NRG1: variants seen among roughly 807,000 people sequenced by gnomAD.
NRG1 encodes neuregulin 1.
Under a neutral mutation model 63.8 loss-of-function variants are expected in NRG1, and 18 were observed. That is an observed-to-expected ratio of 0.28 (90% CI 0.19 to 0.42). NRG1 has a LOEUF of 0.42. Among genes scored for constraint, NRG1 ranks in the 10% least tolerant of loss-of-function variants. NRG1 has a pLI of 1.00. For synonymous variants in NRG1, 302 were observed against 301.3 expected (o/e 1.00, Z -0.02); for missense variants, 762 against 814.7 (o/e 0.94, Z 0.79).
intron 1 of NRG1, among the ~76,000 whole-genome samples, chr8:32,429,155 A>C (rs991239493): frequency 6.6e-6 from 1 of 152,156 alleles, no homozygotes; most frequent in Admixed American, 6.5e-5. Flanking sequence ...AACTAAACGA[A>C]CAGGCTGTAT....
At chr8:32,062,733 C>T (rs980313159) in intron 1 of NRG1, among the ~76,000 whole-genome samples, 11 of 152,038 alleles carry the variant, frequency 7.2e-5, no homozygotes, top group African/African-American at 2.4e-4. Flanking sequence ...TTAAAAGAAA[C>T]ATGCTGGTTC....
intron 1 of NRG1, among the ~76,000 whole-genome samples, chr8:31,679,886 C>A (rs1808137215): frequency 1.3e-5 from 2 of 151,894 alleles, no homozygotes; most frequent in South Asian, 4.1e-4. Flanking sequence ...AATCAATGTA[C>A]AAAATCAATT....
chr8:31,744,969 T>A (rs1008439528), intron 1 of NRG1, among the ~76,000 whole-genome samples: 1 of 151,902 alleles, frequency 6.6e-6, no homozygotes, highest in Non-Finnish European at 1.5e-5. Context: ...ATCTATTCTC[T>A]GAAAAATAAT....
chr8:31,917,112 G>C (rs1013183381), intron 1 of NRG1, among the ~76,000 whole-genome samples: 1 of 126,808 alleles, frequency 7.9e-6, no homozygotes, highest in African/African-American at 2.9e-5. Context: ...TTAGCCCTTT[G>C]TCAGATGAAT....
intron 1 of NRG1, among the ~76,000 whole-genome samples, chr8:31,731,114 G>A (rs77514371): frequency 0.03 from 4,636 of 152,090 alleles, 98 homozygotes; most frequent in Non-Finnish European, 0.046. Context: ...AAAGCGATTT[G>A]GCAATGTATA....
chr8:32,296,746 A>G (rs1055444744), intron 1 of NRG1, among the ~76,000 whole-genome samples: 1 of 152,164 alleles, frequency 6.6e-6, no homozygotes, highest in Non-Finnish European at 1.5e-5. Flanking sequence ...CACAAAAGAC[A>G]ATAACAAAAC....
rs191642801 is a variant in NRG1 at position 31,973,566 on chromosome 8, C to T, written c.37+334135C>T. 2.1e-3 allele frequency among the ~76,000 whole-genome samples: 323 copies of T among 152,274 alleles called. 1 individual carries two copies. Among genetic ancestry groups the T allele is most frequent in the African/African-American group, 7.4e-3 (308 of 41,570 alleles). On this transcript the variant is annotated intron_variant, in intron 1 of 10. Coordinates refer to the NRG1 transcript ENST00000519301. ...TTCAAAGTCATGCAGCCAGTTGATGCCATGTCTCAAATCAAAATCTAGCTC... is the reference window on the plus strand; with the variant it reads ...TTCAAAGTCATGCAGCCAGTTGATGTCATGTCTCAAATCAAAATCTAGCTC...
chr8:32,681,321 G>A (rs1455161956), intron 5 of NRG1, among the ~76,000 whole-genome samples: 7 of 152,126 alleles, frequency 4.6e-5, no homozygotes, highest in African/African-American at 1.2e-4. Context: ...GGTTCTTTAC[G>A]TGTTCTTCTT....
intron 1 of NRG1, among the ~76,000 whole-genome samples, chr8:31,972,521 G>C (rs931440834): frequency 2.0e-5 from 3 of 152,086 alleles, no homozygotes; most frequent in Admixed American, 6.6e-5. Context: ...CACCTCTTCT[G>C]TACTTCTAAC....
At chr8:31,749,782 G>A (rs1204931993) in intron 1 of NRG1, among the ~76,000 whole-genome samples, 1 of 151,024 alleles carries the variant, frequency 6.6e-6, no homozygotes, top group Non-Finnish European at 1.5e-5. Context: ...AATTATAAAT[G>A]GATTACATAT....
chr8:32,353,234 A>G (rs1489280511), intron 1 of NRG1, among the ~76,000 whole-genome samples: 3 of 150,604 alleles, frequency 2.0e-5, no homozygotes, highest in Non-Finnish European at 3.0e-5. Flanking sequence ...TTTCAAAATA[A>G]CAATTGTTAT....
intron 1 of NRG1, among the ~76,000 whole-genome samples, chr8:32,257,197 C>T (rs1849824431): frequency 6.6e-6 from 1 of 152,148 alleles, no homozygotes; most frequent in South Asian, 2.1e-4. Context: ...GAATTTCAAG[C>T]CAGTGGATCT....
At chr8:32,682,340 A>C (rs1339922042) in intron 5 of NRG1, among the ~76,000 whole-genome samples, 1 of 152,148 alleles carries the variant, frequency 6.6e-6, no homozygotes, top group Non-Finnish European at 1.5e-5. Context: ...TTAAAAAGTC[A>C]CCTTGGTTGT....
chr8:32,762,052 A>AC (rs1830797163), intron 11 of NRG1, among the ~76,000 whole-genome samples: 1 of 150,592 alleles, frequency 6.6e-6, no homozygotes, highest in African/African-American at 2.5e-5. Context: ...AAAAAAAAAA[A>AC]AAAAAAAACA....
chr8:32,564,593 TAGTC>T (rs1588341731), intron 1 of NRG1, among the ~76,000 whole-genome samples: 1 of 152,360 alleles, frequency 6.6e-6, no homozygotes, highest in East Asian at 1.9e-4. Context: ...AGAATGGGCT[TAGTC>T]AGCATGCAAT....
At chr8:32,262,753 T>C (rs1018539658) in intron 1 of NRG1, among the ~76,000 whole-genome samples, 4 of 152,234 alleles carry the variant, frequency 2.6e-5, no homozygotes, top group Admixed American at 1.3e-4. Flanking sequence ...AATAATTTGT[T>C]GTATTTTGGT....
chr8:31,692,820 G>A (rs955460785), intron 1 of NRG1, among the ~76,000 whole-genome samples: 8 of 152,136 alleles, frequency 5.3e-5, no homozygotes, highest in South Asian at 4.1e-4. Context: ...ACCAAAAAGA[G>A]CCCTAGGTAG....
At chr8:31,690,915 T>C (rs1032357009) in intron 1 of NRG1, among the ~76,000 whole-genome samples, 2 of 152,154 alleles carry the variant, frequency 1.3e-5, no homozygotes, top group Non-Finnish European at 2.9e-5. Flanking sequence ...TATATGAATC[T>C]GGAGTTTAGG....
chr8:31,975,344 A>G (rs1448367154), intron 1 of NRG1, among the ~76,000 whole-genome samples: 2 of 152,130 alleles, frequency 1.3e-5, no homozygotes, highest in Non-Finnish European at 2.9e-5. Flanking sequence ...CACAGTTCTG[A>G]GGCAGAAGAG....
Sources: allele counts gnomAD v4.1 joint callset (sites outside exome capture counted in the v4.1 genomes callset), GRCh38; gene constraint gnomAD v4.1.1; transcripts MANE v1.5; gene names NCBI Gene and HGNC (gene_info 2026-07-23, HGNC 2026-07-21).